ASB7: variants seen among roughly 807,000 people sequenced by gnomAD.
ASB7 encodes ankyrin repeat and SOCS box protein 7.
Under a neutral mutation model 32.5 loss-of-function variants are expected in ASB7, and 4 were observed. The ratio of observed to expected loss-of-function variants is 0.12; its 90% CI spans 0.06 to 0.28. The LOEUF is 0.28. Among genes scored for constraint, ASB7 ranks in the 10% least tolerant of loss-of-function variants. ASB7 has a pLI of 1.00. For synonymous variants in ASB7, 172 were observed against 155.6 expected (o/e 1.11, Z -0.78); for missense variants, 181 against 407.1 (o/e 0.44, Z 4.78).
intron 5 of ASB7, chr15:100,645,471 C>T: frequency 1.9e-6 from 1 of 518,238 alleles, no homozygotes; most frequent in Non-Finnish European, 3.6e-6. Context: ...TCTGCTCCTC[C>T]ACTCGGAAGG....
At chr15:100,639,158 A>G (rs1461351614) in intron 5 of ASB7, among the ~76,000 whole-genome samples, 1 of 152,230 alleles carries the variant, frequency 6.6e-6, no homozygotes, top group Admixed American at 6.5e-5. Flanking sequence ...GTTAACTGAC[A>G]TGTATTTCTA....
At chr15:100,615,770 G>T (rs1223035688) in intron 4 of ASB7, among the ~76,000 whole-genome samples, 1 of 152,130 alleles carries the variant, frequency 6.6e-6, no homozygotes, top group Non-Finnish European at 1.5e-5. Flanking sequence ...AAAATGTTCT[G>T]TTCCTCCTCT....
Position 100,650,258 on chromosome 15 carries a change from T to C in ASB7, c.*1796T>C, listed in dbSNP as rs1423490441. ...GATAGGAACGGGTAGTCTGTCCTCT[T>C]CCCCATAAAAATGTTCCAAAAAGTT... On this transcript the variant is annotated 3_prime_UTR_variant, in exon 6 of 6. Transcript: ENST00000332783. 1 of 152,204 alleles carries C rather than the reference T, an allele frequency of 6.6e-6. No individual in the cohort carries two copies. The highest frequency in any genetic ancestry group is 2.4e-5 in the African/African-American group (1 of 41,434). 9.4% of individuals were successfully genotyped at this position (152,204 alleles called of 1,614,324 possible). A position where few individuals can be genotyped will look rare whatever the true frequency, so the allele number is the denominator to read the frequency against.
chr15:100,621,878 G>C (rs1455434649), intron 4 of ASB7, among the ~76,000 whole-genome samples: 1 of 151,376 alleles, frequency 6.6e-6, no homozygotes, highest in African/African-American at 2.4e-5. Context: ...AAGAAAACAG[G>C]AGAAAAGATA....
intron 4 of ASB7, 59 bp downstream of exon 4, chr15:100,612,486 T>TA (rs2039705649): frequency 9.0e-6 from 13 of 1,442,624 alleles, no homozygotes; most frequent in Non-Finnish European, 1.3e-5. Flanking sequence ...ATGTTTAGTT[T>TA]AAAATGTGTC....
At chr15:100,621,420 G>A (rs1353067053) in intron 4 of ASB7, among the ~76,000 whole-genome samples, 1 of 152,158 alleles carries the variant, frequency 6.6e-6, no homozygotes, top group Non-Finnish European at 1.5e-5. Context: ...AGTAATTAGA[G>A]TATGGTTACA....
At chr15:100,619,916 TGG>T (rs2039776884) in intron 4 of ASB7, among the ~76,000 whole-genome samples, 1 of 152,254 alleles carries the variant, frequency 6.6e-6, no homozygotes, top group African/African-American at 2.4e-5. Flanking sequence ...GGTAACAGTG[TGG>T]CTCTCTTTCT....
chr15:100,614,742 C>CAAAAAAAAAAAAA (rs58705118), intron 4 of ASB7, among the ~76,000 whole-genome samples: 1 of 57,212 alleles, frequency 1.7e-5, no homozygotes, highest in African/African-American at 5.7e-5. Context: ...AGCTGATGAG[C>CAAAAAAAAAAAAA]AAAAAAAAAA....
At chr15:100,608,988 C>A (rs2039671599) in intron 2 of ASB7, among the ~76,000 whole-genome samples, 1 of 152,084 alleles carries the variant, frequency 6.6e-6, no homozygotes, top group Non-Finnish European at 1.5e-5. Context: ...ATATGTAATT[C>A]CTAGAGTTTT....
At chr15:100,636,144 G>A (rs1324356039) in intron 5 of ASB7, among the ~76,000 whole-genome samples, 1 of 152,160 alleles carries the variant, frequency 6.6e-6, no homozygotes, top group African/African-American at 2.4e-5. Flanking sequence ...ACCAGTTTAT[G>A]GCTTCAGTGA....
intron 3 of ASB7, among the ~76,000 whole-genome samples, chr15:100,610,037 G>GT (rs1332016634): frequency 5.3e-5 from 8 of 152,204 alleles, no homozygotes; most frequent in African/African-American, 1.4e-4. Flanking sequence ...AAGAAAAGCT[G>GT]TTAAGGATGA....
chr15:100,644,220 C>G (rs2039982480), intron 5 of ASB7, among the ~76,000 whole-genome samples: 1 of 152,164 alleles, frequency 6.6e-6, no homozygotes, highest in Admixed American at 6.5e-5. Context: ...TGCACTCCAG[C>G]CTGGGCAATA....
chr15:100,619,166 G>A (rs2039769628), intron 4 of ASB7, among the ~76,000 whole-genome samples: 1 of 152,126 alleles, frequency 6.6e-6, no homozygotes, highest in African/African-American at 2.4e-5. Flanking sequence ...GTGGAAATCT[G>A]GAAAGGTGAG....
chr15:100,630,545 G>C (rs1036538756), intron 5 of ASB7, among the ~76,000 whole-genome samples: 1 of 152,180 alleles, frequency 6.6e-6, no homozygotes, highest in Non-Finnish European at 1.5e-5. Flanking sequence ...GTGGTGCTGT[G>C]TATTTAGGGA....
rs117400079 is a variant in ASB7, at chr15:100,627,939, C to G, written c.212-1498C>G. ...CGGCTTGAGTGACTTAAGGGCTCAG[C>G]AGTATCTGCCCGGTGGAAACATTAG... On this transcript the variant is annotated intron_variant, in intron 4 of 5. Transcript: ENST00000332783. Among the ~76,000 whole-genome samples the G allele has an allele frequency of 6.7e-4, 102 of 152,306 alleles. 2 individuals carry two copies. In the East Asian group the frequency reaches 0.014, roughly 21 times the overall value.
At chr15:100,617,067 A>G (rs1037852515) in intron 4 of ASB7, among the ~76,000 whole-genome samples, 1 of 152,114 alleles carries the variant, frequency 6.6e-6, no homozygotes, top group African/African-American at 2.4e-5. Flanking sequence ...ACTGATTGCT[A>G]AGTCTTATTG....
intron 5 of ASB7, among the ~76,000 whole-genome samples, chr15:100,642,652 C>CAG (rs2039969280): frequency 6.6e-6 from 1 of 152,194 alleles, no homozygotes; most frequent in Admixed American, 6.5e-5. Flanking sequence ...ACTTTAGTGG[C>CAG]TTAAAACAAC....
chr15:100,625,415 A>C (rs1427277061), intron 4 of ASB7, among the ~76,000 whole-genome samples: 4 of 152,224 alleles, frequency 2.6e-5, no homozygotes, highest in Non-Finnish European at 5.9e-5. Flanking sequence ...AATCAATTTT[A>C]TTTCTATCAG....
At chr15:100,634,333 A>G (rs2039906587) in intron 5 of ASB7, among the ~76,000 whole-genome samples, 1 of 152,238 alleles carries the variant, frequency 6.6e-6, no homozygotes, top group Admixed American at 6.5e-5. Context: ...ACACACATAT[A>G]AAAGTGAGGC....
Sources: allele counts gnomAD v4.1 joint callset (sites outside exome capture counted in the v4.1 genomes callset), GRCh38; gene constraint gnomAD v4.1.1; transcripts MANE v1.5; gene names NCBI Gene and HGNC (gene_info 2026-07-23, HGNC 2026-07-21).